Variants in FAM184B observed in about 807,000 individuals in gnomAD.
The protein encoded by FAM184B is protein FAM184B.
FAM184B carries 111 observed loss-of-function variants against 135.9 expected under a neutral mutation model. The observed-to-expected ratio is 0.82, with a 90% CI of 0.70 to 0.96. The LOEUF (loss-of-function observed/expected upper bound fraction) is 0.96. Among genes scored for constraint, FAM184B ranks in the 40% least tolerant of loss-of-function variants. FAM184B has a pLI of 0.00. For synonymous variants in FAM184B, 552 were observed against 524.8 expected (o/e 1.05, Z -0.71); for missense variants, 1,375 against 1,323.9 (o/e 1.04, Z -0.60).
chr4:17,756,508 A>C (rs549150188), intron 1 of FAM184B, among the ~76,000 whole-genome samples: 1 of 152,326 alleles, frequency 6.6e-6, no homozygotes, highest in East Asian at 1.9e-4. Flanking sequence ...CGTAATTTTT[A>C]AGGCAGGTAA....
rs1285615435 is a variant in FAM184B, at chr4:17,781,197, G to T, written c.103C>A (p.His35Asn). 1.3e-6 allele frequency: 2 copies of T among 1,550,154 alleles called. No individual in the cohort carries two copies. The highest frequency in any genetic ancestry group is 3.9e-5 in the Admixed American group (2 of 50,760). The change falls in exon 1 of 18, where the codon CAC becomes AAC. Residue 35 changes from histidine to asparagine, a missense_variant. His to Asn is a moderately conservative substitution (Grantham distance 68). Coordinates refer to ENST00000265018, the MANE Select transcript of FAM184B (RefSeq NM_015688.2). The surrounding 1 kb of genome is among the most constrained non-coding windows in gnomAD (Gnocchi z 6.5). ...GWRMDCDPQM[H>N]VKMCKKIAQL... ...GCGATCTTCTTGCACATTTTCACGTGCATCTGGGGATCACAGTCCATTCTC... is the reference window on the plus strand; with the variant it reads ...GCGATCTTCTTGCACATTTTCACGTTCATCTGGGGATCACAGTCCATTCTC...
In FAM184B at chr4:17,633,765, G is replaced by T. The variant is rs61741415; in HGVS notation, c.3013C>A (p.Pro1005Thr). ...RINAPPITTS[P>T]SLDPSPSCGR... ...CAGCTGGGGCTTGGGTCCAAGCTGG[G>T]TGATGTAGTTATTGGAGGGGCATTA... is the stretch of plus-strand genomic sequence containing the variant. The change falls in exon 17 of 18, where the codon CCC (proline) becomes ACC (threonine). Residue 1005 changes from proline (P) to threonine (T), a missense_variant. Physicochemically the swap from Pro to Thr is conservative, Grantham distance 38. Coordinates refer to ENST00000265018, the MANE Select transcript of FAM184B (RefSeq NM_015688.2). 1,699 of 1,551,454 alleles carry T rather than the reference G, an allele frequency of 1.1e-3. 23 individuals carry two copies. The African/African-American group carries it at 0.02, about 19-fold the overall frequency.
rs908974135 is a variant in FAM184B, at chr4:17,642,110, C to T, written c.2465G>A (p.Arg822His). 5 of 1,532,694 alleles carry T rather than the reference C, an allele frequency of 3.3e-6. No homozygotes were observed. Among genetic ancestry groups the T allele is most frequent in the African/African-American group, 1.4e-5 (1 of 72,264 alleles). 94.9% of individuals were successfully genotyped at this position (1,532,694 alleles called of 1,614,324 possible). The change falls in exon 13 of 18, where the codon CGC becomes CAC. Residue 822 changes from arginine to histidine, a missense_variant. Physicochemically the swap from Arg to His is conservative, Grantham distance 29 (BLOSUM62 0). Coordinates refer to ENST00000265018, the MANE Select transcript of FAM184B (RefSeq NM_015688.2). Reference protein sequence around the residue: ...AQLQDAVRRLRAEVEQHQQEA... With the variant: ...AQLQDAVRRLHAEVEQHQQEA... Reference sequence around the variant, plus strand: ...CTGCTGATGCTGCTCCACCTCCGCGCGCAGCCGCCGCACCGCGTCCTGGAG... The same window carrying T: ...CTGCTGATGCTGCTCCACCTCCGCGTGCAGCCGCCGCACCGCGTCCTGGAG...
chr4:17,774,992 CTT>C (rs71167338), intron 1 of FAM184B, among the ~76,000 whole-genome samples: 56 of 81,748 alleles, frequency 6.9e-4, no homozygotes, highest in Middle Eastern at 0.013. Context: ...TTTTCCTTTT[CTT>C]TTTTTTTTTT....
At position 17,642,039 on chromosome 4, in the gene FAM184B, C is replaced by A. The variant is rs1201729047; in HGVS notation, c.2519+17G>T. ...GGGTGAGGGTGGCGCGGTGGCGGGG[C>A]GCGCCGGGTCACCCACCTGCGCTGG... On this transcript the variant is annotated intron_variant, in intron 13 of 17. Coordinates refer to ENST00000265018, the MANE Select transcript of FAM184B (RefSeq NM_015688.2). The A allele has an allele frequency of 2.0e-6, 3 of 1,517,778 alleles. No individual in the cohort carries two copies. Among genetic ancestry groups the A allele is most frequent in the South Asian group, 1.2e-5 (1 of 82,440 alleles). The allele number at this position is 1,517,778 out of a possible 1,614,324, so 94.0% of individuals were successfully genotyped here. A position where few individuals can be genotyped will look rare whatever the true frequency, so the allele number is the denominator to read the frequency against.
At position 17,630,798 on chromosome 4, in the gene FAM184B, G is replaced by C. The variant is rs1410457960; in HGVS notation, c.*1734C>G. ...AATCAGCTTTTTTTTTTTTAAGATG[G>C]TGTGATTGAGGTTAATGTGAACTGA... On this transcript the variant is annotated 3_prime_UTR_variant, in exon 18 of 18. Transcript: ENST00000265018. 3.3e-5 allele frequency: 5 copies of C among 151,318 alleles called. No individual in the cohort carries two copies. Among genetic ancestry groups the C allele is most frequent in the Non-Finnish European group, 5.9e-5 (4 of 67,914 alleles). 9.4% of individuals were successfully genotyped at this position (151,318 alleles called of 1,614,324 possible).
In FAM184B at chr4:17,647,771, A is replaced by T. The variant is rs1238690930; in HGVS notation, c.2212T>A (p.Ser738Thr). ...CCAGAACAGGCAGCTTGCTGCTCCG[A>T]CAGCTCCTGTCTGAGCGACTCTGGA... ...LLLESLRQELSEQQAACSGHQ... is the reference protein window; with the variant it reads ...LLLESLRQELTEQQAACSGHQ... The change falls in exon 12 of 18, where the codon TCG (serine) becomes ACG (threonine). Residue 738 changes from serine (S) to threonine (T), a missense_variant. Transcript: ENST00000265018. The T allele has an allele frequency of 5.8e-6, 9 of 1,550,606 alleles. No homozygotes were observed. The highest frequency in any genetic ancestry group is 7.8e-6 in the Non-Finnish European group (9 of 1,146,906).
At chr4:17,636,996 A>G (rs1337009525) in intron 14 of FAM184B, among the ~76,000 whole-genome samples, 1 of 152,172 alleles carries the variant, frequency 6.6e-6, no homozygotes, top group African/African-American at 2.4e-5. Flanking sequence ...GCTGGCGGAC[A>G]TAGAGCGCGG....
At chr4:17,766,585 T>C (rs1239564298) in intron 1 of FAM184B, among the ~76,000 whole-genome samples, 2 of 151,982 alleles carry the variant, frequency 1.3e-5, no homozygotes, top group African/African-American at 4.8e-5. Context: ...GACATAAAGG[T>C]TCTCCAAGTC....
intron 11 of FAM184B, among the ~76,000 whole-genome samples, chr4:17,649,968 C>T (rs933203114): frequency 3.3e-5 from 5 of 151,916 alleles, no homozygotes; most frequent in South Asian, 4.1e-4. Context: ...TCCACCCATC[C>T]GTGTGTCCAC....
intron 7 of FAM184B, among the ~76,000 whole-genome samples, chr4:17,675,200 T>C (rs1716283796): frequency 6.6e-6 from 1 of 152,202 alleles, no homozygotes; most frequent in Non-Finnish European, 1.5e-5. Context: ...ATAATAAGAC[T>C]TCAAAGGAGA....
chr4:17,713,767 C>T (rs754387404), intron 1 of FAM184B, among the ~76,000 whole-genome samples: 3 of 152,180 alleles, frequency 2.0e-5, no homozygotes, highest in Non-Finnish European at 2.9e-5. Flanking sequence ...TTTATTCATT[C>T]GCGGATTCAC....
intron 1 of FAM184B, among the ~76,000 whole-genome samples, chr4:17,777,185 C>T (rs570199375): frequency 9.2e-5 from 14 of 152,024 alleles, no homozygotes; most frequent in Admixed American, 1.3e-4. Context: ...TAAAAAGGAA[C>T]GAATTAATGA....
At chr4:17,736,027 A>G (rs546592277) in intron 1 of FAM184B, among the ~76,000 whole-genome samples, 5 of 152,306 alleles carry the variant, frequency 3.3e-5, no homozygotes, top group Admixed American at 2.0e-4. Context: ...AGTGTTAATG[A>G]TTATATCAGA....
In FAM184B at chr4:17,647,716, G is replaced by A; in HGVS notation, c.2267C>T (p.Ala756Val). ...CTGTCTGCCCAGAGCCCTCAGCTCG[G>A]CCTGCAGTGCCTCCAAGTCCTTCTG... ...GHQKDLEALQAELRALGRQQA... is the reference protein window; with the variant it reads ...GHQKDLEALQVELRALGRQQA... The change falls in exon 12 of 18, where the codon GCC becomes GTC. Residue 756 changes from alanine to valine, a missense_variant. Ala to Val is a moderately conservative substitution (Grantham distance 64). Transcript: ENST00000265018. 6.4e-7 allele frequency: 1 copy of A among 1,551,024 alleles called. No homozygotes were observed. The highest frequency in any genetic ancestry group is 8.7e-7 in the Non-Finnish European group (1 of 1,146,996).
Position 17,647,756 on chromosome 4 carries a change from C to T in FAM184B, c.2227G>A (p.Ala743Thr). Reference protein sequence around the residue: ...LRQELSEQQAACSGHQKDLEA... With the variant: ...LRQELSEQQATCSGHQKDLEA... Reference sequence around the variant, plus strand: ...AAGTCCTTCTGGTGCCCAGAACAGGCAGCTTGCTGCTCCGACAGCTCCTGT... The same window carrying T: ...AAGTCCTTCTGGTGCCCAGAACAGGTAGCTTGCTGCTCCGACAGCTCCTGT... The change falls in exon 12 of 18, where the codon GCC becomes ACC. Residue 743 changes from alanine to threonine, a missense_variant. Physicochemically the swap from Ala to Thr is moderately conservative, Grantham distance 58. Transcript: ENST00000265018. The T allele has an allele frequency of 6.4e-7, 1 of 1,550,782 alleles. No homozygotes were observed. Among genetic ancestry groups the T allele is most frequent in the Non-Finnish European group, 8.7e-7 (1 of 1,146,956 alleles).
At chr4:17,758,941 G>T (rs1349423001) in intron 1 of FAM184B, among the ~76,000 whole-genome samples, 5 of 152,070 alleles carry the variant, frequency 3.3e-5, no homozygotes, top group Non-Finnish European at 1.5e-5. Flanking sequence ...GAGGAAAGGT[G>T]GGCCAGCCTC....
intron 13 of FAM184B, among the ~76,000 whole-genome samples, chr4:17,641,144 G>A (rs1208146140): frequency 2.6e-5 from 4 of 152,120 alleles, no homozygotes; most frequent in Admixed American, 6.6e-5. Context: ...ATGTTGCCCA[G>A]GCTGGTCTTG....
intron 10 of FAM184B, among the ~76,000 whole-genome samples, chr4:17,653,580 C>G (rs1164243397): frequency 6.6e-6 from 1 of 152,006 alleles, no homozygotes; most frequent in Non-Finnish European, 1.5e-5. Flanking sequence ...CGCTTTCACT[C>G]AACAAACATT....
Sources: gnomAD v4.1 joint callset for allele counts (sites outside exome capture counted in the v4.1 genomes callset) on GRCh38, gnomAD v4.1.1 for gene constraint, Gnocchi (gnomAD v3.1) non-coding constraint, MANE v1.5 for transcripts, NCBI Gene and HGNC (gene_info 2026-07-23, HGNC 2026-07-21) for gene names.